Variants in ZNRF2 observed in about 807,000 individuals in gnomAD.
The protein encoded by ZNRF2 is E3 ubiquitin-protein ligase ZNRF2.
Under a neutral mutation model 20.4 loss-of-function variants are expected in ZNRF2, and 16 were observed. That is an observed-to-expected ratio of 0.79 (90% CI 0.53 to 1.19). ZNRF2 has a LOEUF of 1.19. Ranked by LOEUF, ZNRF2 falls within the 50% of genes most tolerant of loss-of-function variation. The pLI is 0.00. For synonymous variants in ZNRF2, 178 were observed against 144.9 expected (o/e 1.23, Z -1.64); for missense variants, 363 against 332.4 (o/e 1.09, Z -0.72).
intron 1 of ZNRF2, among the ~76,000 whole-genome samples, chr7:30,286,610 C>T (rs1336570378): frequency 6.6e-6 from 1 of 152,186 alleles, no homozygotes; most frequent in African/African-American, 2.4e-5. Context: ...AAGTGATGTA[C>T]TTTACTACAG....
chr7:30,296,363 G>GT, intron 1 of ZNRF2, among the ~76,000 whole-genome samples: 1 of 152,332 alleles, frequency 6.6e-6, no homozygotes, highest in South Asian at 2.1e-4. Context: ...ATGTGAGCGT[G>GT]TTTTGTGGGC....
chr7:30,336,045 T>C (rs1799712124), intron 2 of ZNRF2, among the ~76,000 whole-genome samples: 1 of 152,070 alleles, frequency 6.6e-6, no homozygotes, highest in African/African-American at 2.4e-5. Context: ...ATGCCAGAGG[T>C]GTTGATCTTG....
chr7:30,292,870 A>C (rs1488041561), intron 1 of ZNRF2, among the ~76,000 whole-genome samples: 1 of 152,142 alleles, frequency 6.6e-6, no homozygotes, highest in Non-Finnish European at 1.5e-5. Context: ...ATAACCACTG[A>C]CCTGTGGTTT....
chr7:30,320,159 G>A (rs1270448050), intron 1 of ZNRF2, among the ~76,000 whole-genome samples: 1 of 151,886 alleles, frequency 6.6e-6, no homozygotes, highest in Non-Finnish European at 1.5e-5. Context: ...CAAGAGCTCT[G>A]AAGACCCCTC....
chr7:30,351,770 T>G (rs1799965664), intron 2 of ZNRF2, among the ~76,000 whole-genome samples: 1 of 152,040 alleles, frequency 6.6e-6, no homozygotes, highest in Non-Finnish European at 1.5e-5. Context: ...CTTCATAGGA[T>G]TAACATGTGA....
intron 2 of ZNRF2, among the ~76,000 whole-genome samples, chr7:30,337,269 A>AT (rs971340067): frequency 7.3e-5 from 11 of 151,288 alleles, no homozygotes; most frequent in South Asian, 6.3e-4. Flanking sequence ...ACTTTATCTA[A>AT]TTTTTTTTTC....
chr7:30,343,058 T>A lies in ZNRF2; in HGVS notation c.566-12670T>A, dbSNP rs1372317282. Among the ~76,000 whole-genome samples the A allele has an allele frequency of 1.6e-4, 24 of 152,132 alleles. 1 individual carries two copies. Among genetic ancestry groups the A allele is most frequent in the Admixed American group, 1.6e-3 (24 of 15,254 alleles). The stretch of plus-strand genomic sequence containing the variant: ...TCCTATTCATGTGTAATTTAAAAGG[T>A]CCTTTGGGAGGACAAAGCAGGAGGA... On this transcript the variant is annotated intron_variant, in intron 2 of 4. Transcript: ENST00000323037.
At chr7:30,338,867 G>T (rs1379202856) in intron 2 of ZNRF2, among the ~76,000 whole-genome samples, 1 of 152,126 alleles carries the variant, frequency 6.6e-6, no homozygotes, top group Non-Finnish European at 1.5e-5. Context: ...TTCCACAGTG[G>T]TTGAACTAAT....
At chr7:30,343,466 C>G (rs548169095) in intron 2 of ZNRF2, among the ~76,000 whole-genome samples, 1 of 151,968 alleles carries the variant, frequency 6.6e-6, no homozygotes, top group African/African-American at 2.4e-5. Context: ...TGCTACTACT[C>G]ATGTTTCTGT....
At chr7:30,302,279 G>T (rs1282450613) in intron 1 of ZNRF2, among the ~76,000 whole-genome samples, 1 of 152,134 alleles carries the variant, frequency 6.6e-6, no homozygotes, top group Non-Finnish European at 1.5e-5. Flanking sequence ...ATTTTCGCTG[G>T]CTTAAAATTG....
At chr7:30,351,037 CTT>C (rs761399972) in intron 2 of ZNRF2, among the ~76,000 whole-genome samples, 2 of 133,208 alleles carry the variant, frequency 1.5e-5, no homozygotes, top group African/African-American at 2.7e-5. Context: ...TGGCTGTTTG[CTT>C]TTTTTTTTTT....
intron 1 of ZNRF2, among the ~76,000 whole-genome samples, chr7:30,292,293 A>G (rs964309755): frequency 2.0e-5 from 3 of 152,186 alleles, no homozygotes; most frequent in African/African-American, 7.2e-5. Context: ...ATATTCTTTG[A>G]TAACATGCTG....
At chr7:30,361,315 T>G (rs1425666134) in intron 3 of ZNRF2, among the ~76,000 whole-genome samples, 1 of 152,200 alleles carries the variant, frequency 6.6e-6, no homozygotes, top group Non-Finnish European at 1.5e-5. Context: ...AATTCAGATA[T>G]TTGAAAGAAC....
chr7:30,296,532 A>G (rs144244422), intron 1 of ZNRF2, among the ~76,000 whole-genome samples: 2 of 152,182 alleles, frequency 1.3e-5, no homozygotes, highest in Non-Finnish European at 2.9e-5. Flanking sequence ...TACTAAAGCA[A>G]TTCACTGCTT....
chr7:30,292,198 C>T (rs1798923563), intron 1 of ZNRF2, among the ~76,000 whole-genome samples: 1 of 152,164 alleles, frequency 6.6e-6, no homozygotes, highest in African/African-American at 2.4e-5. Context: ...ACCTGAATCC[C>T]ACTGATGTTG....
At chr7:30,364,060 G>T (rs1583601210) in intron 4 of ZNRF2, among the ~76,000 whole-genome samples, 1 of 152,144 alleles carries the variant, frequency 6.6e-6, no homozygotes, top group African/African-American at 2.4e-5. Flanking sequence ...GTCCTGTGTG[G>T]TACCATTTCC....
At chr7:30,308,104 C>A (rs1360921862) in intron 1 of ZNRF2, among the ~76,000 whole-genome samples, 1 of 151,994 alleles carries the variant, frequency 6.6e-6, no homozygotes, top group Non-Finnish European at 1.5e-5. Flanking sequence ...CATTTCTTTG[C>A]CATTCTTTGT....
intron 1 of ZNRF2, 81 bp downstream of exon 1, chr7:30,285,907 TCTC>T: frequency 5.3e-6 from 7 of 1,333,166 alleles, no homozygotes; most frequent in African/African-American, 3.1e-5. Context: ...TTTTTACCCT[TCTC>T]CTTTTCTCCT....
chr7:30,298,529 G>C (rs1423494174), intron 1 of ZNRF2, among the ~76,000 whole-genome samples: 1 of 152,172 alleles, frequency 6.6e-6, no homozygotes, highest in Non-Finnish European at 1.5e-5. Flanking sequence ...TTCTTGCCTG[G>C]AATACACAAT....
Sources: allele counts gnomAD v4.1 joint callset (sites outside exome capture counted in the v4.1 genomes callset), GRCh38; gene constraint gnomAD v4.1.1; transcripts MANE v1.5; gene names NCBI Gene and HGNC (gene_info 2026-07-23, HGNC 2026-07-21).